HMGN5: variants seen among roughly 807,000 people sequenced by gnomAD.
HMGN5 encodes high mobility group nucleosome-binding domain-containing protein 5.
Under a neutral mutation model 9.5 loss-of-function variants are expected in HMGN5, and 4 were observed. That is an observed-to-expected ratio of 0.42 (90% CI 0.21 to 0.96). The LOEUF is 0.96. Ranked by LOEUF, HMGN5 falls within the 40% of genes least tolerant of loss-of-function variation. The pLI is 0.30. For missense variants in HMGN5, 192 were observed against 187.5 expected (o/e 1.02, Z -0.14); for synonymous variants, 55 against 57.1 (o/e 0.96, Z 0.16).
intron 1 of HMGN5, among the ~76,000 whole-genome samples, chrX:81,152,556 A>G (rs757879289): frequency 3.4e-3 from 373 of 110,864 alleles, no homozygotes; most frequent in African/African-American, 0.012. Flanking sequence ...GGGACTGTAA[A>G]CTAGTTCAAC....
At chrX:81,188,409 G>T (rs184560747) in intron 1 of HMGN5, among the ~76,000 whole-genome samples, 1 of 109,377 alleles carries the variant, frequency 9.1e-6, no homozygotes, top group African/African-American at 3.3e-5. Context: ...GATTACAAGC[G>T]TGAGCCATTG....
intron 1 of HMGN5, among the ~76,000 whole-genome samples, chrX:81,155,102 T>TATATATATATATACAC (rs1407923805): frequency 1.1e-5 from 1 of 91,068 alleles, no homozygotes; most frequent in African/African-American, 4.0e-5. Context: ...TATATATATA[T>TATATATATATATACAC]ACACACACAC....
chrX:81,142,658 G>T (rs1400878581), intron 1 of HMGN5, among the ~76,000 whole-genome samples: 1 of 111,472 alleles, frequency 9.0e-6, no homozygotes, highest in African/African-American at 3.3e-5. Flanking sequence ...GAGAAATAAA[G>T]ATTTTTCCAG....
At chrX:81,148,661 C>A (rs1013575065) in intron 1 of HMGN5, among the ~76,000 whole-genome samples, 24 of 111,530 alleles carry the variant, frequency 2.2e-4, no homozygotes, top group Non-Finnish European at 3.4e-4. Flanking sequence ...AGGTTCTGCA[C>A]AGCAAAAGAA....
intron 1 of HMGN5, among the ~76,000 whole-genome samples, chrX:81,192,127 T>C (rs2075495872): frequency 9.0e-6 from 1 of 111,578 alleles, no homozygotes; most frequent in African/African-American, 3.3e-5. Flanking sequence ...GCTTAACAAT[T>C]AGAATAACCC....
At chrX:81,182,294 A>C (rs1331624729) in intron 1 of HMGN5, among the ~76,000 whole-genome samples, 1 of 112,110 alleles carries the variant, frequency 8.9e-6, no homozygotes, top group Admixed American at 9.5e-5. Context: ...GAATTGGATT[A>C]TTAGGCATTT....
At chrX:81,118,576 AT>A in intron 4 of HMGN5, 91 bp from the exon 5 acceptor site, 1 of 826,410 alleles carries the variant, frequency 1.2e-6, no homozygotes, top group Admixed American at 3.1e-5. Context: ...CTGAATTAAA[AT>A]AAATGAGTAT....
At chrX:81,128,078 T>TCAA (rs759016319) in intron 1 of HMGN5, among the ~76,000 whole-genome samples, 1 of 110,775 alleles carries the variant, frequency 9.0e-6, no homozygotes, top group East Asian at 2.8e-4. Flanking sequence ...GTGTGTGTGT[T>TCAA]CTTACCTTCT....
At chrX:81,201,179 G>C (rs1427017070) in intron 1 of HMGN5, among the ~76,000 whole-genome samples, 2 of 109,699 alleles carry the variant, frequency 1.8e-5, no homozygotes, top group African/African-American at 6.7e-5. Flanking sequence ...TAGGACAAGC[G>C]ACTGACTCCT....
At chrX:81,125,767 A>G (rs891093671) in intron 1 of HMGN5, among the ~76,000 whole-genome samples, 4 of 111,605 alleles carry the variant, frequency 3.6e-5, no homozygotes, top group Non-Finnish European at 7.5e-5. Flanking sequence ...ACTAATAGAG[A>G]TTTTCTAGTT....
At chrX:81,165,729 A>G (rs2075409285) in intron 1 of HMGN5, among the ~76,000 whole-genome samples, 1 of 111,677 alleles carries the variant, frequency 9.0e-6, no homozygotes, top group African/African-American at 3.2e-5. Context: ...GGAATAGCCC[A>G]CTATGTTTGA....
At chrX:81,177,497 T>A (rs994285439) in intron 1 of HMGN5, among the ~76,000 whole-genome samples, 27 of 108,055 alleles carry the variant, frequency 2.5e-4, no homozygotes, top group Non-Finnish European at 4.6e-4. Flanking sequence ...AGGGATTAAT[T>A]CAACAAGAAG....
chrX:81,143,853 T>C (rs1199957495), intron 1 of HMGN5, among the ~76,000 whole-genome samples: 1 of 111,804 alleles, frequency 8.9e-6, no homozygotes. Flanking sequence ...GTAGACAGTT[T>C]TACCCTCACC....
chrX:81,175,863 T>C (rs2075440183), intron 1 of HMGN5, among the ~76,000 whole-genome samples: 1 of 111,839 alleles, frequency 8.9e-6, no homozygotes, highest in African/African-American at 3.2e-5. Context: ...GATCCCAGCA[T>C]GATCGACCCA....
rs182296148 is a variant in HMGN5, at chrX:81,130,569, A to T, written c.-123-8897T>A. On this transcript the variant is annotated intron_variant, in intron 1 of 6. Coordinates refer to ENST00000358130, the MANE Select transcript of HMGN5 (RefSeq NM_030763.3). ...ATTATTATAAGAAAACTCAGCATAT[A>T]AAATTTTGCTAATGTAATTAATCAA... is the stretch of plus-strand genomic sequence containing the variant. 8.3e-3 allele frequency among the ~76,000 whole-genome samples: 927 copies of T among 111,263 alleles called. 8 individuals carry two copies. Among genetic ancestry groups the T allele is most frequent in the Middle Eastern group, 0.019 (4 of 216 alleles).
At chrX:81,181,055 G>T (rs1236078111) in intron 1 of HMGN5, among the ~76,000 whole-genome samples, 1 of 110,370 alleles carries the variant, frequency 9.1e-6, no homozygotes, top group Non-Finnish European at 1.9e-5. Flanking sequence ...GTCAGGGGTG[G>T]GGCCTGGGGG....
chrX:81,195,720 A>AG (rs1325655092), intron 1 of HMGN5, among the ~76,000 whole-genome samples: 2 of 112,085 alleles, frequency 1.8e-5, no homozygotes, highest in Non-Finnish European at 3.8e-5. Context: ...TTTTGGAAAT[A>AG]GGGGATGCTC....
At chrX:81,165,352 C>A (rs779972585) in intron 1 of HMGN5, among the ~76,000 whole-genome samples, 2 of 110,702 alleles carry the variant, frequency 1.8e-5, no homozygotes, top group Non-Finnish European at 3.8e-5. Flanking sequence ...CCATATTTGC[C>A]ACTGAGATGA....
At chrX:81,161,364 A>G (rs1032545943) in intron 1 of HMGN5, among the ~76,000 whole-genome samples, 1 of 111,314 alleles carries the variant, frequency 9.0e-6, no homozygotes, top group African/African-American at 3.3e-5. Context: ...CCTATCCCCT[A>G]GTCTTTGAGT....
Sources: gnomAD v4.1 joint callset for allele counts (sites outside exome capture counted in the v4.1 genomes callset) on GRCh38, gnomAD v4.1.1 for gene constraint, MANE v1.5 for transcripts, NCBI Gene and HGNC (gene_info 2026-07-23, HGNC 2026-07-21) for gene names.